Variants in ERC2 observed in about 807,000 individuals in gnomAD.
ERC2 encodes the protein ELKS/RAB6-interacting/CAST family member 2.
In ERC2, 42 loss-of-function variants were observed where a neutral mutation model predicts 114.8. The observed-to-expected ratio is 0.37, with a 90% CI of 0.29 to 0.47. ERC2 has a LOEUF of 0.47. Ranked by LOEUF, ERC2 falls within the 20% of genes least tolerant of loss-of-function variation. The pLI is 0.99. For missense variants in ERC2, 939 were observed against 1,150.7 expected, an observed-to-expected ratio of 0.82 and a Z score of 2.66; for synonymous variants, 454 against 425.5, an observed-to-expected ratio of 1.07 and a Z score of -0.82.
At chr3:56,354,122 A>G (rs1436114499) in intron 2 of ERC2, among the ~76,000 whole-genome samples, 3 of 152,226 alleles carry the variant, frequency 2.0e-5, no homozygotes, top group Non-Finnish European at 4.4e-5. Context: ...ATGAGAAAAT[A>G]CAAAATAGCT....
intron 2 of ERC2, among the ~76,000 whole-genome samples, chr3:56,299,453 C>T (rs1161869801): frequency 1.4e-5 from 2 of 144,610 alleles, no homozygotes; most frequent in Non-Finnish European, 3.0e-5. Flanking sequence ...TTTTTTGAGA[C>T]AGAGTCTCAC....
chr3:55,607,861 T>A (rs576452023), intron 17 of ERC2: 1 of 152,266 alleles, frequency 6.6e-6, no homozygotes, highest in East Asian at 1.9e-4. Context: ...GGGAGCGCTT[T>A]GTTCTTCTTA....
At chr3:55,608,630 T>C (rs1269185432) in intron 17 of ERC2, among the ~76,000 whole-genome samples, 2 of 152,130 alleles carry the variant, frequency 1.3e-5, no homozygotes. Context: ...AAAAATAAAA[T>C]GAGAAATTCG....
intron 7 of ERC2, among the ~76,000 whole-genome samples, chr3:56,061,764 A>G (rs531813009): frequency 6.6e-6 from 1 of 152,368 alleles, no homozygotes; most frequent in African/African-American, 2.4e-5. Flanking sequence ...CATGTTTACC[A>G]GAAATCTAAG....
At chr3:56,018,032 T>C (rs17825124) in intron 8 of ERC2, among the ~76,000 whole-genome samples, 19,019 of 152,216 alleles carry the variant, frequency 0.12, 1,325 homozygotes, top group Non-Finnish European at 0.16. Flanking sequence ...CAATTAAGAA[T>C]GTGACATGAG....
chr3:56,460,678 C>G (rs1265957778), intron 1 of ERC2, among the ~76,000 whole-genome samples: 1 of 152,224 alleles, frequency 6.6e-6, no homozygotes, highest in African/African-American at 2.4e-5. Flanking sequence ...AAGGAACTAT[C>G]TGTTGTTCAT....
intron 17 of ERC2, among the ~76,000 whole-genome samples, chr3:55,597,490 G>T (rs1374330748): frequency 2.6e-5 from 4 of 151,624 alleles, no homozygotes; most frequent in Non-Finnish European, 5.9e-5. Context: ...ACCCAGCCTA[G>T]AAAATAGTCC....
At chr3:55,805,896 A>C (rs1317421129) in intron 14 of ERC2, among the ~76,000 whole-genome samples, 1 of 152,108 alleles carries the variant, frequency 6.6e-6, no homozygotes, top group Non-Finnish European at 1.5e-5. Flanking sequence ...TTTGTCACCC[A>C]CAGGTGGGAA....
At chr3:55,996,882 A>C (rs1417876456) in intron 10 of ERC2, among the ~76,000 whole-genome samples, 3 of 152,260 alleles carry the variant, frequency 2.0e-5, no homozygotes, top group African/African-American at 7.2e-5. Flanking sequence ...TACTATATGT[A>C]AATGAAAGTT....
At chr3:55,786,024 T>C (rs998463034) in intron 14 of ERC2, among the ~76,000 whole-genome samples, 2 of 152,242 alleles carry the variant, frequency 1.3e-5, no homozygotes, top group African/African-American at 4.8e-5. Flanking sequence ...CTACCACTTA[T>C]GGATCATGCC....
intron 17 of ERC2, among the ~76,000 whole-genome samples, chr3:55,572,149 G>C (rs1312412099): frequency 6.6e-6 from 1 of 152,234 alleles, no homozygotes; most frequent in Non-Finnish European, 1.5e-5. Context: ...ATTCCAGCTA[G>C]CGAGGAAAAC....
At chr3:55,962,914 G>A (rs1249502615) in intron 12 of ERC2, among the ~76,000 whole-genome samples, 1 of 152,142 alleles carries the variant, frequency 6.6e-6, no homozygotes, top group Non-Finnish European at 1.5e-5. Flanking sequence ...GAAATCTCAG[G>A]ATACTATGTC....
chr3:56,300,609 T>G (rs1288232596), intron 2 of ERC2, among the ~76,000 whole-genome samples: 1 of 152,230 alleles, frequency 6.6e-6, no homozygotes, highest in Non-Finnish European at 1.5e-5. Flanking sequence ...CAAAAATCTG[T>G]ATATCATTTG....
intron 14 of ERC2, among the ~76,000 whole-genome samples, chr3:55,845,321 G>A (rs1048067968): frequency 3.9e-5 from 6 of 151,914 alleles, no homozygotes; most frequent in Admixed American, 2.6e-4. Flanking sequence ...CGGCTAAAAC[G>A]GTGAAACCCC....
intron 7 of ERC2, among the ~76,000 whole-genome samples, chr3:56,035,903 T>C (rs568926238): frequency 2.0e-5 from 3 of 151,936 alleles, no homozygotes; most frequent in East Asian, 3.9e-4. Context: ...ACAAGAATAC[T>C]ACGAGAAAAA....
intron 7 of ERC2, among the ~76,000 whole-genome samples, chr3:56,020,256 C>T (rs1193647474): frequency 1.3e-5 from 2 of 152,146 alleles, no homozygotes; most frequent in Non-Finnish European, 2.9e-5. Flanking sequence ...TGTGGCCTAA[C>T]AAAGATGAAA....
chr3:56,033,311 T>C (rs1044383115), intron 7 of ERC2, among the ~76,000 whole-genome samples: 1 of 152,228 alleles, frequency 6.6e-6, no homozygotes, highest in African/African-American at 2.4e-5. Flanking sequence ...GCTATAGTTA[T>C]TTTTAATATT....
At chr3:56,150,695 T>A (rs1305859486) in intron 4 of ERC2, among the ~76,000 whole-genome samples, 1 of 152,206 alleles carries the variant, frequency 6.6e-6, no homozygotes, top group East Asian at 1.9e-4. Context: ...CCACCATTAA[T>A]GTTTTCATGT....
At chr3:55,547,393 C>T (rs1337687100) in intron 17 of ERC2, among the ~76,000 whole-genome samples, 2 of 152,188 alleles carry the variant, frequency 1.3e-5, no homozygotes, top group Admixed American at 1.3e-4. Context: ...TGTTGCTGGG[C>T]CATTTGTTTT....
Sources: allele counts gnomAD v4.1 joint callset (sites outside exome capture counted in the v4.1 genomes callset), GRCh38; gene constraint gnomAD v4.1.1; transcripts MANE v1.5; gene names NCBI Gene and HGNC (gene_info 2026-07-23, HGNC 2026-07-21).